Variants in DHX57 observed in about 807,000 individuals in gnomAD.
DHX57 encodes putative ATP-dependent RNA helicase DHX57.
DHX57 carries 105 observed loss-of-function variants against 156.2 expected under a neutral mutation model. The observed-to-expected ratio is 0.67, with a 90% confidence interval of 0.57 to 0.79. The LOEUF (loss-of-function observed/expected upper bound fraction) is 0.79, where lower values mean the gene tolerates loss of function less well. DHX57 is among the 30% of genes least tolerant of loss of function. DHX57 has a pLI of 0.00. For synonymous variants in DHX57, 704 were observed against 595.6 expected (o/e 1.18, Z -2.65); for missense variants, 1,847 against 1,661.9 (o/e 1.11, Z -1.94).
chr2:38,815,750 G>T, intron 19 of DHX57, 95 bp from the exon 20 acceptor site: 1 of 1,502,462 alleles, frequency 6.7e-7, no homozygotes, highest in Admixed American at 1.8e-5. Flanking sequence ...CATTATTTCA[G>T]GGGGTAGCAA....
intron 9 of DHX57, chr2:38,853,333 G>A (rs1362770363): frequency 1.3e-5 from 2 of 152,076 alleles, no homozygotes; most frequent in South Asian, 2.1e-4. Flanking sequence ...ATGTTGCCCA[G>A]GTGGGGCTCC....
Position 38,861,277 on chromosome 2 carries a change from T to A in DHX57, c.1133A>T (p.Asn378Ile), listed in dbSNP as rs1477983361. 2.5e-6 allele frequency: 4 copies of A among 1,614,076 alleles called. No homozygotes were observed. The highest frequency in any genetic ancestry group is 3.4e-6 in the Non-Finnish European group (4 of 1,180,052). ...ACGACAAGCCAGAGGTAGGTTCTCA[T>A]TGGTGGAATAAAATGCCACGAGCGG... ...QAPLVAFYST[N>I]ENLPLACRLH... The change falls in exon 5 of 24, where the codon AAT (asparagine) becomes ATT (isoleucine). Residue 378 changes from asparagine to isoleucine, a missense_variant. By Grantham distance (149) the Asn-to-Ile change is moderately radical. Coordinates refer to ENST00000457308, the MANE Select transcript of DHX57 (RefSeq NM_198963.3).
chr2:38,856,500 TTTC>T (rs372935809), intron 6 of DHX57, 39 bp from the exon 7 acceptor site: 9 of 1,558,788 alleles, frequency 5.8e-6, no homozygotes, highest in South Asian at 3.7e-5. Flanking sequence ...TGGGTTACTT[TTTC>T]TTTTTTTTTT....
At chr2:38,820,404 T>C (rs1304247426) in intron 17 of DHX57, among the ~76,000 whole-genome samples, 1 of 152,052 alleles carries the variant, frequency 6.6e-6, no homozygotes, top group Non-Finnish European at 1.5e-5. Flanking sequence ...TGCTCACCAT[T>C]ACACCATGGA....
chr2:38,841,331 C>T (rs1390894935), intron 12 of DHX57, among the ~76,000 whole-genome samples: 2 of 152,136 alleles, frequency 1.3e-5, no homozygotes, highest in African/African-American at 2.4e-5. Context: ...AACTGAGGCA[C>T]AGAGATGATA....
intron 21 of DHX57, chr2:38,811,762 C>A (rs939273316): frequency 1.1e-4 from 54 of 478,772 alleles, no homozygotes; most frequent in Non-Finnish European, 1.9e-4. Flanking sequence ...GCAGGGCCCA[C>A]GTCTTTCTTA....
At chr2:38,830,851 T>A (rs1280154200) in intron 13 of DHX57, among the ~76,000 whole-genome samples, 1 of 152,138 alleles carries the variant, frequency 6.6e-6, no homozygotes, top group East Asian at 1.9e-4. Context: ...TACAGCACTT[T>A]GAGAGGCTGA....
At chr2:38,852,007 G>A (rs955119963) in intron 9 of DHX57, among the ~76,000 whole-genome samples, 2 of 151,808 alleles carry the variant, frequency 1.3e-5, no homozygotes, top group East Asian at 1.9e-4. Context: ...AATGTTTTCT[G>A]TATAGTAATT....
Position 38,823,123 on chromosome 2 carries a change from G to A in DHX57, c.3161C>T (p.Pro1054Leu). 6.2e-7 allele frequency: 1 copy of A among 1,614,152 alleles called. No individual in the cohort carries two copies. Among genetic ancestry groups the A allele is most frequent in the South Asian group, 1.1e-5 (1 of 91,086 alleles). Residue 1054 changes from proline (P) to leucine (L), a missense_variant, in exon 17 of 24, where the codon CCT becomes CTT. Coordinates refer to ENST00000457308, the MANE Select transcript of DHX57 (RefSeq NM_198963.3). ...GALTPDERLT[P>L]LGYHLASLPV... The stretch of plus-strand genomic sequence containing the variant: ...CAGAGAGGCCAAATGATACCCAAGA[G>A]GGGTCAATCTTTCATCTGGAGTTAA...
chr2:38,825,825 A>G lies in DHX57; in HGVS notation c.3014+22T>C, dbSNP rs748430646. ...AAACATTTAGACCTTTTGGAAGCAAAACACAAAAAACCAGATGTCACCTTA... is the reference window on the plus strand; with the variant it reads ...AAACATTTAGACCTTTTGGAAGCAAGACACAAAAAACCAGATGTCACCTTA... On this transcript the variant is annotated intron_variant, in intron 16 of 23. Transcript: ENST00000457308. 1.9e-6 allele frequency: 3 copies of G among 1,613,444 alleles called. No individual in the cohort carries two copies. The South Asian group carries it at 3.3e-5, about 18-fold the overall frequency.
chr2:38,861,169 AGGG>A lies in DHX57; in HGVS notation c.1238_1240del (p.Thr413_Leu414delinsIle). 1 of 1,614,178 alleles carries A rather than the reference AGGG, an allele frequency of 6.2e-7. No homozygotes were observed. Among genetic ancestry groups the A allele is most frequent in the Non-Finnish European group, 8.5e-7 (1 of 1,180,022 alleles). On this transcript the variant is annotated inframe_deletion, in exon 5 of 24. Transcript: ENST00000457308. ...GACTATTTCCGACTCTTCCTCTAAA[AGGG>A]TTATCAAAGAATATACGACAGGTTC...
At chr2:38,829,882 C>T (rs1671291718) in intron 13 of DHX57, among the ~76,000 whole-genome samples, 1 of 152,148 alleles carries the variant, frequency 6.6e-6, no homozygotes, top group Non-Finnish European at 1.5e-5. Context: ...ATTTTAGAGA[C>T]AGCCCATTAA....
At chr2:38,860,913 A>T in intron 5 of DHX57, 86 bp downstream of exon 5, 1 of 1,221,494 alleles carries the variant, frequency 8.2e-7, no homozygotes, top group Non-Finnish European at 1.1e-6. Context: ...AAGATCACTA[A>T]GCCATCCTAG....
chr2:38,868,078 G>T, intron 2 of DHX57, 104 bp downstream of exon 2: 2 of 1,406,008 alleles, frequency 1.4e-6, no homozygotes, highest in South Asian at 1.3e-5. Context: ...AAGACAATTT[G>T]ACCAGAATTA....
rs1224128755 is a variant in DHX57 at position 38,854,120 on chromosome 2, CCTT to C, written c.1961_1963del (p.Glu654del). 1 of 1,613,898 alleles carries C rather than the reference CCTT, an allele frequency of 6.2e-7. No homozygotes were observed. The highest frequency in any genetic ancestry group is 8.5e-7 in the Non-Finnish European group (1 of 1,179,944). On this transcript the variant is annotated inframe_deletion, in exon 9 of 24. Coordinates refer to ENST00000457308, the MANE Select transcript of DHX57 (RefSeq NM_198963.3). ...GGAAACTCCTTGTAGAGCTGTATCT[CCTT>C]CTAGCCTTCTCAGCAGCACTCCCGT...
chr2:38,803,789 T>G (rs1171492305), intron 22 of DHX57, among the ~76,000 whole-genome samples: 1 of 31,074 alleles, frequency 3.2e-5, no homozygotes, highest in South Asian at 2.0e-3. Flanking sequence ...ACACCCAGCC[T>G]TTTTTTTTTT....
chr2:38,848,269 C>A lies in DHX57; in HGVS notation c.2164G>T (p.Gly722Cys), dbSNP rs772920040. ...FNSCPVITIP[G>C]RTFPVDQFFL... ...ATATTTAATGATGCATTTTATTCACCTGGTATAGTAATAACGGGGCAGGAA... is the reference window on the plus strand; with the variant it reads ...ATATTTAATGATGCATTTTATTCACATGGTATAGTAATAACGGGGCAGGAA... The change falls in exon 10 of 24, where the codon GGT becomes TGT. Residue 722 changes from glycine (G) to cysteine (C), a missense_variant and splice_region_variant. Transcript: ENST00000457308. The A allele has an allele frequency of 1.3e-6, 2 of 1,582,930 alleles. No individual in the cohort carries two copies. Among genetic ancestry groups the A allele is most frequent in the Admixed American group, 1.9e-5 (1 of 52,174 alleles).
intron 21 of DHX57, chr2:38,810,647 G>A (rs867077021): frequency 1.2e-5 from 8 of 667,328 alleles, no homozygotes; most frequent in African/African-American, 3.6e-5. Flanking sequence ...CCTTCCACTC[G>A]GTCCTGGGAC....
intron 22 of DHX57, among the ~76,000 whole-genome samples, chr2:38,805,524 A>T (rs992037384): frequency 2.0e-5 from 3 of 152,188 alleles, no homozygotes; most frequent in Non-Finnish European, 1.5e-5. Flanking sequence ...AATTTCAGGC[A>T]AATGATGTTT....
Sources: gnomAD v4.1 joint callset for allele counts (sites outside exome capture counted in the v4.1 genomes callset) on GRCh38, gnomAD v4.1.1 for gene constraint, MANE v1.5 for transcripts, NCBI Gene and HGNC (gene_info 2026-07-23, HGNC 2026-07-21) for gene names.